Variants in ARNT2 observed in about 807,000 individuals in gnomAD.
The protein encoded by ARNT2 is ARNT protein 2.
ARNT2 carries 36 observed loss-of-function variants against 91.7 expected under a neutral mutation model. That is an observed-to-expected ratio of 0.39 (90% CI 0.30 to 0.52). The LOEUF (loss-of-function observed/expected upper bound fraction) is 0.52. Ranked by LOEUF, ARNT2 falls within the 20% of genes least tolerant of loss-of-function variation. ARNT2 has a pLI of 0.72. For synonymous variants in ARNT2, 365 were observed against 347.1 expected (o/e 1.05, Z -0.57); for missense variants, 775 against 939.3 (o/e 0.83, Z 2.29).
Position 80,555,152 on chromosome 15 carries a change from A to C in ARNT2, c.1164+13A>C. ...GAGCTTCCAGCAGGTACATACTGCC[A>C]GTACCCACTTAAAGCTGATGCATAG... On this transcript the variant is annotated intron_variant, in intron 11 of 18. Transcript: ENST00000303329. 6.2e-7 allele frequency: 1 copy of C among 1,613,718 alleles called. No homozygotes were observed. Among genetic ancestry groups the C allele is most frequent in the African/African-American group, 1.3e-5 (1 of 75,052 alleles).
At chr15:80,491,796 CTTT>C (rs58958624) in intron 5 of ARNT2, among the ~76,000 whole-genome samples, 4,660 of 67,262 alleles carry the variant, frequency 0.069, 110 homozygotes, top group Middle Eastern at 0.16. Flanking sequence ...CAGGACAGGC[CTTT>C]TTTTTTTTTT....
intron 8 of ARNT2, among the ~76,000 whole-genome samples, chr15:80,544,746 CAT>C (rs1292000912): frequency 6.6e-6 from 1 of 152,136 alleles, no homozygotes; most frequent in Non-Finnish European, 1.5e-5. Context: ...CAATCAGAAA[CAT>C]ATTCAGAAAT....
At chr15:80,561,977 G>T (rs1248513859) in intron 11 of ARNT2, among the ~76,000 whole-genome samples, 1 of 152,050 alleles carries the variant, frequency 6.6e-6, no homozygotes, top group Non-Finnish European at 1.5e-5. Context: ...CATCTATAGG[G>T]TTTGGTACTA....
chr15:80,506,433 A>G (rs1159856278), intron 5 of ARNT2, among the ~76,000 whole-genome samples: 1 of 152,230 alleles, frequency 6.6e-6, no homozygotes, highest in Non-Finnish European at 1.5e-5. Flanking sequence ...ACTAAAAGGA[A>G]ACATCAGAGG....
At chr15:80,438,631 C>T (rs559562155) in intron 1 of ARNT2, among the ~76,000 whole-genome samples, 1 of 152,274 alleles carries the variant, frequency 6.6e-6, no homozygotes, top group South Asian at 2.1e-4. Context: ...TGGTTCTGTA[C>T]ATATCTTGGC....
Position 80,587,078 on chromosome 15 carries a change from T to C in ARNT2, c.1919-4490T>C, listed in dbSNP as rs562768055. ...GGGGAATTATAGACCTCTCCATCCC[T>C]AATACTAGTTAGTGTTGAAAAGGTG... On this transcript the variant is annotated intron_variant, in intron 17 of 18. Coordinates refer to ENST00000303329, the MANE Select transcript of ARNT2 (RefSeq NM_014862.4). Among the ~76,000 whole-genome samples the C allele has an allele frequency of 2.6e-5, 4 of 152,310 alleles. No individual in the cohort carries two copies. The East Asian group carries it at 7.7e-4, about 29-fold the overall frequency.
chr15:80,534,523 T>C (rs1897790241), intron 8 of ARNT2, among the ~76,000 whole-genome samples: 1 of 152,238 alleles, frequency 6.6e-6, no homozygotes, highest in Non-Finnish European at 1.5e-5. Flanking sequence ...CTAGCACTTC[T>C]CGTTCTAGAC....
intron 3 of ARNT2, among the ~76,000 whole-genome samples, chr15:80,460,050 C>T (rs1414761756): frequency 1.1e-4 from 17 of 152,194 alleles, no homozygotes; most frequent in Non-Finnish European, 2.9e-5. Flanking sequence ...CAGTGCCTCT[C>T]CTGTTGGCTT....
intron 12 of ARNT2, among the ~76,000 whole-genome samples, chr15:80,565,089 A>C (rs1898453712): frequency 6.6e-6 from 1 of 151,754 alleles, no homozygotes; most frequent in Non-Finnish European, 1.5e-5. Context: ...CGCCTGGCTG[A>C]TTTTTTTGTA....
At chr15:80,415,773 T>C (rs1442296115) in intron 1 of ARNT2, among the ~76,000 whole-genome samples, 1 of 152,204 alleles carries the variant, frequency 6.6e-6, no homozygotes, top group Admixed American at 6.5e-5. Context: ...GTAGTGTTCC[T>C]GATTTGACCA....
At chr15:80,522,391 A>G (rs1437481324) in intron 8 of ARNT2, among the ~76,000 whole-genome samples, 2 of 152,214 alleles carry the variant, frequency 1.3e-5, no homozygotes, top group Non-Finnish European at 2.9e-5. Flanking sequence ...ATCAGCATAT[A>G]CATACATATG....
intron 1 of ARNT2, among the ~76,000 whole-genome samples, chr15:80,416,959 G>A (rs558700555): frequency 1.3e-4 from 20 of 152,210 alleles, no homozygotes; most frequent in East Asian, 5.8e-4. Flanking sequence ...CACCATTTGC[G>A]AGTATAGGCA....
chr15:80,442,236 G>A (rs959069068), intron 1 of ARNT2, among the ~76,000 whole-genome samples: 2 of 152,154 alleles, frequency 1.3e-5, no homozygotes, highest in South Asian at 2.1e-4. Flanking sequence ...TTTAGGAAAC[G>A]GCATCTTTCC....
chr15:80,451,006 C>T lies in ARNT2; in HGVS notation c.146+12C>T. ...AAGCGGCGTTCCGGGTAAGCGACCTCAGCGTTTCCAGGAATTGGCTTAATA... is the reference window on the plus strand; with the variant it reads ...AAGCGGCGTTCCGGGTAAGCGACCTTAGCGTTTCCAGGAATTGGCTTAATA... On this transcript the variant is annotated intron_variant, in intron 2 of 18. Transcript: ENST00000303329. 2.5e-6 allele frequency: 4 copies of T among 1,609,644 alleles called. No homozygotes were observed. Among genetic ancestry groups the T allele is most frequent in the Non-Finnish European group, 3.4e-6 (4 of 1,177,114 alleles).
intron 17 of ARNT2, 90 bp downstream of exon 17, chr15:80,581,494 C>G: frequency 6.5e-7 from 1 of 1,532,012 alleles, no homozygotes; most frequent in Non-Finnish European, 8.9e-7. Flanking sequence ...GCTCCAAGCT[C>G]CCAGCTACCA....
chr15:80,592,039 C>G (rs1893289613), intron 18 of ARNT2, among the ~76,000 whole-genome samples: 1 of 152,152 alleles, frequency 6.6e-6, no homozygotes, highest in South Asian at 2.1e-4. Context: ...GCAGGCACCC[C>G]CAGGCTTGGC....
intron 1 of ARNT2, among the ~76,000 whole-genome samples, chr15:80,441,761 C>T (rs1393915020): frequency 5.3e-5 from 8 of 152,174 alleles, no homozygotes; most frequent in Non-Finnish European, 1.0e-4. Flanking sequence ...CTACACAGTA[C>T]GTCTGCATCT....
intron 4 of ARNT2, among the ~76,000 whole-genome samples, chr15:80,471,781 A>G (rs1419841606): frequency 2.0e-5 from 3 of 152,182 alleles, no homozygotes; most frequent in Non-Finnish European, 2.9e-5. Context: ...TGGAGGAGCC[A>G]AGATTGGGTC....
intron 4 of ARNT2, 59 bp downstream of exon 4, chr15:80,470,490 G>A (rs1331713393): frequency 1.6e-5 from 25 of 1,561,910 alleles, no homozygotes; most frequent in African/African-American, 1.4e-4. Flanking sequence ...TCACCAAGAC[G>A]AAATAAACTA....
Sources: gnomAD v4.1 joint callset for allele counts (sites outside exome capture counted in the v4.1 genomes callset) on GRCh38, gnomAD v4.1.1 for gene constraint, MANE v1.5 for transcripts, NCBI Gene and HGNC (gene_info 2026-07-23, HGNC 2026-07-21) for gene names.